Variants in PDE12 observed in about 807,000 individuals in gnomAD.
The protein encoded by PDE12 is phosphodiesterase 12.
A neutral mutation model predicts 45.4 loss-of-function variants in PDE12; 26 were observed. That is an observed-to-expected ratio of 0.57 (90% CI 0.42 to 0.79). The LOEUF is 0.79. PDE12 is among the 30% of genes least tolerant of loss of function. The pLI is 0.00. For synonymous variants in PDE12, 283 were observed against 323.9 expected, an observed-to-expected ratio of 0.87 and a Z score of 1.36; for missense variants, 668 against 790.0, an observed-to-expected ratio of 0.85 and a Z score of 1.85.
the PDE12 span, among the ~76,000 whole-genome samples, chr3:57,610,130 A>G: frequency 8.5e-5 from 13 of 152,198 alleles, no homozygotes; most frequent in Admixed American, 3.3e-4. Context: ...CCAAAGAGAA[A>G]AACCACATGA....
intron 1 of PDE12, 91 bp from the exon 2 acceptor site, chr3:57,559,219 G>GA (rs1347846010): frequency 3.6e-6 from 4 of 1,124,522 alleles, no homozygotes; most frequent in African/African-American, 1.5e-5. Context: ...AGACTGTCTC[G>GA]AAAAAACTCA....
At chr3:57,644,802 T>G in the PDE12 span, among the ~76,000 whole-genome samples, 22 of 1,246 alleles carry the variant, frequency 0.018, no homozygotes, top group Non-Finnish European at 0.025. Context: ...AGGGGAGGGG[T>G]GGGGAGGGGA....
At chr3:57,588,065 T>G in the PDE12 span, among the ~76,000 whole-genome samples, 1 of 152,226 alleles carries the variant, frequency 6.6e-6, no homozygotes, top group African/African-American at 2.4e-5. Context: ...GTTGCAATAT[T>G]TGGCAATGAA....
At position 57,565,592 on chromosome 3, in the gene PDE12, G is replaced by A. The variant is rs968425192; in HGVS notation, c.*5588G>A. 1.3e-5 allele frequency: 2 copies of A among 152,134 alleles called. No homozygotes were observed. The highest frequency in any genetic ancestry group is 2.4e-5 in the African/African-American group (1 of 41,420). The allele number at this position is 152,134 out of a possible 1,614,324, so 9.4% of individuals were successfully genotyped here. A position where few individuals can be genotyped will look rare whatever the true frequency, so the allele number is the denominator to read the frequency against. On this transcript the variant is annotated 3_prime_UTR_variant, in exon 3 of 3. Coordinates refer to ENST00000311180, the MANE Select transcript of PDE12 (RefSeq NM_177966.7). ...GAGGCTGAGGCCGGTGGATCATGAG[G>A]TCAGATCGAGACCATCCTGGCCAAC...
the PDE12 span, chr3:57,641,797 T>C: frequency 2.6e-5 from 32 of 1,243,558 alleles, no homozygotes; most frequent in Non-Finnish European, 3.6e-5. Flanking sequence ...AAAAGATGAA[T>C]GCTAAATCAG....
At chr3:57,558,101 G>C (rs1478112947) in intron 1 of PDE12, among the ~76,000 whole-genome samples, 2 of 152,008 alleles carry the variant, frequency 1.3e-5, no homozygotes, top group East Asian at 3.9e-4. Context: ...TAAATCATAG[G>C]CTCATTGAAT....
chr3:57,653,190 A>G, the PDE12 span, among the ~76,000 whole-genome samples: 1 of 152,222 alleles, frequency 6.6e-6, no homozygotes, highest in African/African-American at 2.4e-5. Context: ...AGGAAAAATG[A>G]AAAAGGCCTA....
the PDE12 span, among the ~76,000 whole-genome samples, chr3:57,634,074 G>A: frequency 6.6e-6 from 1 of 151,916 alleles, no homozygotes; most frequent in South Asian, 2.1e-4. Flanking sequence ...TGTAGCTACA[G>A]CCCCAAATTC....
chr3:57,589,875 G>A, the PDE12 span, among the ~76,000 whole-genome samples: 1 of 151,378 alleles, frequency 6.6e-6, no homozygotes, highest in South Asian at 2.1e-4. Flanking sequence ...GGTGGATCAT[G>A]AGGCCAGGAG....
In PDE12 at chr3:57,561,377, C is replaced by A. The variant is rs1022356125; in HGVS notation, c.*1373C>A. 12 of 983,700 alleles carry A rather than the reference C, an allele frequency of 1.2e-5. No homozygotes were observed. The African/African-American group carries it at 2.1e-4, about 17-fold the overall frequency. The allele number at this position is 983,700 out of a possible 1,614,324, so 60.9% of individuals were successfully genotyped here. ...CTCTGAAATAAAAAACTTCTTTTTA[C>A]AGACAAGCATTATAGTTTGAGTTAC... On this transcript the variant is annotated 3_prime_UTR_variant, in exon 3 of 3. Transcript: ENST00000311180.
At chr3:57,611,458 G>T in the PDE12 span, among the ~76,000 whole-genome samples, 4 of 152,094 alleles carry the variant, frequency 2.6e-5, no homozygotes, top group Non-Finnish European at 4.4e-5. Context: ...CCTACAGAAT[G>T]GGAGAAAATT....
the PDE12 span, among the ~76,000 whole-genome samples, chr3:57,638,673 C>A: frequency 2.3e-4 from 35 of 151,610 alleles, no homozygotes; most frequent in East Asian, 3.9e-4. Flanking sequence ...AAATAAATAA[C>A]TAAATAAATA....
At chr3:57,572,319 A>G in the PDE12 span, 1 of 1,573,452 alleles carries the variant, frequency 6.4e-7, no homozygotes, top group South Asian at 1.1e-5. Context: ...AAGACAAGAA[A>G]ATACTTGATT....
chr3:57,575,371 G>A, the PDE12 span, among the ~76,000 whole-genome samples: 5 of 150,050 alleles, frequency 3.3e-5, no homozygotes, highest in East Asian at 5.9e-4. Context: ...GTAGTTTTCC[G>A]TTTCTTTACA....
the PDE12 span, chr3:57,627,626 G>T: frequency 2.0e-5 from 3 of 152,302 alleles, no homozygotes; most frequent in Non-Finnish European, 4.4e-5. Context: ...TGGGTAGCAA[G>T]AAACTTTTTT....
the PDE12 span, chr3:57,572,342 A>G: frequency 1.5e-6 from 2 of 1,373,576 alleles, no homozygotes; most frequent in African/African-American, 1.4e-5. Context: ...CAAAGTTAAT[A>G]TATAACACCA....
the PDE12 span, among the ~76,000 whole-genome samples, chr3:57,602,058 C>T: frequency 6.6e-6 from 1 of 151,896 alleles, no homozygotes; most frequent in Admixed American, 6.6e-5. Flanking sequence ...CATGGCCTGC[C>T]TTTGAATTTT....
chr3:57,608,260 G>C, the PDE12 span, among the ~76,000 whole-genome samples: 1 of 152,198 alleles, frequency 6.6e-6, no homozygotes, highest in East Asian at 1.9e-4. Flanking sequence ...AAAGGAACAA[G>C]CAGTACCAGC....
chr3:57,600,494 C>G, the PDE12 span, among the ~76,000 whole-genome samples: 1 of 150,708 alleles, frequency 6.6e-6, no homozygotes, highest in African/African-American at 2.4e-5. Context: ...CTTCCCCTCC[C>G]CTCCCTTTTT....
Sources: allele counts gnomAD v4.1 joint callset (sites outside exome capture counted in the v4.1 genomes callset), GRCh38; gene constraint gnomAD v4.1.1; transcripts MANE v1.5; gene names NCBI Gene and HGNC (gene_info 2026-07-23, HGNC 2026-07-21).